PCDH15: variants seen among roughly 807,000 people sequenced by gnomAD.
The protein encoded by PCDH15 is protocadherin-15.
A neutral mutation model predicts 178.5 loss-of-function variants in PCDH15; 129 were observed. The observed-to-expected ratio is 0.72, with a 90% CI of 0.63 to 0.84. The LOEUF is 0.84. PCDH15 is among the 40% of genes least tolerant of loss of function. The pLI is 0.00. For synonymous variants in PCDH15, 800 were observed against 732.0 expected (o/e 1.09, Z -1.50); for missense variants, 2,230 against 2,099.9 (o/e 1.06, Z -1.21).
At chr10:53,814,318 T>C (rs1014338569) in intron 35 of PCDH15, among the ~76,000 whole-genome samples, 1 of 152,130 alleles carries the variant, frequency 6.6e-6, no homozygotes, top group Non-Finnish European at 1.5e-5. Context: ...TTCAAGTAAA[T>C]ATTTATGGAG....
At chr10:55,369,206 G>T (rs1299119303) in intron 2 of PCDH15, among the ~76,000 whole-genome samples, 1 of 151,890 alleles carries the variant, frequency 6.6e-6, no homozygotes, top group Non-Finnish European at 1.5e-5. Context: ...ACTGCCTAGA[G>T]TTCTCAGTAG....
At chr10:54,387,613 A>G (rs1043440364) in intron 3 of PCDH15, among the ~76,000 whole-genome samples, 7 of 152,198 alleles carry the variant, frequency 4.6e-5, no homozygotes, top group Non-Finnish European at 8.8e-5. Context: ...CAAAGTATCA[A>G]AAAACTCACC....
At chr10:54,290,483 T>A (rs2059328305) in intron 8 of PCDH15, among the ~76,000 whole-genome samples, 1 of 152,172 alleles carries the variant, frequency 6.6e-6, no homozygotes, top group Non-Finnish European at 1.5e-5. Context: ...AGAAACTGCA[T>A]CAGTTAACTG....
chr10:55,307,600 AACTT>A (rs1402959502), intron 1 of PCDH15, among the ~76,000 whole-genome samples: 2 of 149,656 alleles, frequency 1.3e-5, no homozygotes, highest in African/African-American at 2.5e-5. Flanking sequence ...TCTGCTTTCT[AACTT>A]ACTTTCTTCT....
chr10:54,443,344 C>T (rs1272377794), intron 3 of PCDH15, among the ~76,000 whole-genome samples: 1 of 151,348 alleles, frequency 6.6e-6, no homozygotes, highest in Non-Finnish European at 1.5e-5. Context: ...TACTCATCTT[C>T]GGAAGCCCCT....
chr10:54,320,011 G>A (rs997138738), intron 7 of PCDH15, among the ~76,000 whole-genome samples: 6 of 151,904 alleles, frequency 3.9e-5, no homozygotes, highest in South Asian at 2.1e-4. Flanking sequence ...GACAGACTGC[G>A]ATAAAATTAT....
intron 28 of PCDH15, among the ~76,000 whole-genome samples, chr10:53,854,726 T>C (rs895319932): frequency 5.3e-5 from 8 of 152,064 alleles, no homozygotes; most frequent in African/African-American, 1.9e-4. Flanking sequence ...ATATGGAATA[T>C]TTACCATTCA....
chr10:54,048,728 A>C (rs1194112240), intron 18 of PCDH15, among the ~76,000 whole-genome samples: 1 of 152,066 alleles, frequency 6.6e-6, no homozygotes, highest in Non-Finnish European at 1.5e-5. Context: ...CTGTTCCGTT[A>C]ACCTATGTGT....
chr10:55,402,619 C>T lies in PCDH15; in HGVS notation c.-156+225006G>A, dbSNP rs115665704. Among the ~76,000 whole-genome samples the T allele has an allele frequency of 5.6e-3, 847 of 152,036 alleles. 9 individuals carry two copies. The highest frequency in any genetic ancestry group is 0.018 in the African/African-American group (765 of 41,508). On this transcript the variant is annotated intron_variant, in intron 2 of 5. Coordinates refer to the PCDH15 transcript ENST00000613346. ...TTATTTAACTAAATATAATTATCTC[C>T]ACTTCCATTGATGTTGTTACAAATG...
At chr10:53,925,174 A>G (rs529149229) in intron 25 of PCDH15, among the ~76,000 whole-genome samples, 1 of 151,510 alleles carries the variant, frequency 6.6e-6, no homozygotes, top group East Asian at 2.0e-4. Flanking sequence ...GCTGCTGCTC[A>G]CTCTTTGGTT....
intron 3 of PCDH15, among the ~76,000 whole-genome samples, chr10:54,516,251 A>G (rs895049279): frequency 6.6e-6 from 1 of 152,200 alleles, no homozygotes; most frequent in Non-Finnish European, 1.5e-5. Context: ...TCAGATGATC[A>G]ACTACGCTGA....
At chr10:54,676,327 C>A (rs889487207) in intron 1 of PCDH15, among the ~76,000 whole-genome samples, 1 of 152,000 alleles carries the variant, frequency 6.6e-6, no homozygotes, top group African/African-American at 2.4e-5. Flanking sequence ...TTAAACTAAT[C>A]TTTTCTCAAA....
At chr10:55,517,721 T>C (rs1841054029) in intron 2 of PCDH15, among the ~76,000 whole-genome samples, 1 of 152,148 alleles carries the variant, frequency 6.6e-6, no homozygotes, top group Non-Finnish European at 1.5e-5. Context: ...GCAGCTTATT[T>C]CTAGTAGCCC....
At chr10:55,030,771 A>T (rs1009817167) in intron 2 of PCDH15, among the ~76,000 whole-genome samples, 2 of 152,136 alleles carry the variant, frequency 1.3e-5, no homozygotes, top group African/African-American at 4.8e-5. Context: ...ATTGCATTAG[A>T]AATAATGGGA....
At chr10:53,951,583 A>G (rs1459509260) in intron 23 of PCDH15, among the ~76,000 whole-genome samples, 1 of 152,244 alleles carries the variant, frequency 6.6e-6, no homozygotes, top group Admixed American at 6.5e-5. Flanking sequence ...CATGTGGAAG[A>G]TTTGTTACAA....
At chr10:54,986,281 A>G (rs187656014) in intron 2 of PCDH15, among the ~76,000 whole-genome samples, 2 of 152,220 alleles carry the variant, frequency 1.3e-5, no homozygotes, top group African/African-American at 4.8e-5. Context: ...CAAAAACTTG[A>G]AACATGTAGG....
intron 16 of PCDH15, 72 bp from the exon 17 acceptor site, chr10:54,079,496 G>A (rs960859908): frequency 1.5e-6 from 2 of 1,378,296 alleles, no homozygotes; most frequent in African/African-American, 1.4e-5. Context: ...TCTTAGTATA[G>A]TGAATTACTT....
rs2051718180 is a variant in PCDH15 at position 54,213,932 on chromosome 10, T to A, written c.1098+4A>T. On this transcript the variant is annotated splice_donor_region_variant and intron_variant, in intron 10 of 37. Transcript: ENST00000644397. ...CAAGGAAATAAGATATTAGCTTAAT[T>A]TACCTTAATAACCAAATCAAATTTC... 3 of 1,536,612 alleles carry A rather than the reference T, an allele frequency of 2.0e-6. No individual in the cohort carries two copies. Among genetic ancestry groups the A allele is most frequent in the Non-Finnish European group, 2.7e-6 (3 of 1,110,358 alleles).
At chr10:54,679,094 G>C (rs1195595576) in intron 1 of PCDH15, among the ~76,000 whole-genome samples, 2 of 150,408 alleles carry the variant, frequency 1.3e-5, no homozygotes, top group Non-Finnish European at 3.0e-5. Flanking sequence ...GGAGGCTGAG[G>C]CAGGAGAATG....
Sources: gnomAD v4.1 joint callset for allele counts (sites outside exome capture counted in the v4.1 genomes callset) on GRCh38, gnomAD v4.1.1 for gene constraint, MANE v1.5 for transcripts, NCBI Gene and HGNC (gene_info 2026-07-23, HGNC 2026-07-21) for gene names.